OSMR: variants seen among roughly 807,000 people sequenced by gnomAD.
OSMR encodes oncostatin M receptor.
A neutral mutation model predicts 99.9 loss-of-function variants in OSMR; 81 were observed. That is an observed-to-expected ratio of 0.81 (90% CI 0.68 to 0.97). OSMR has a LOEUF of 0.97. Ranked by LOEUF, OSMR falls within the 50% of genes least tolerant of loss-of-function variation. The pLI is 0.00. For missense variants in OSMR, 1,099 were observed against 1,153.4 expected (o/e 0.95, Z 0.68); for synonymous variants, 406 against 410.4 (o/e 0.99, Z 0.13).
At chr5:38,852,024 A>T (rs1740405654) in intron 1 of OSMR, among the ~76,000 whole-genome samples, 1 of 152,228 alleles carries the variant, frequency 6.6e-6, no homozygotes, top group African/African-American at 2.4e-5. Context: ...TTTCTTTTGT[A>T]AATCACCCAG....
downstream of OSMR, among the ~76,000 whole-genome samples, chr5:38,936,587 T>G (rs114867259): frequency 3.3e-5 from 5 of 152,238 alleles, no homozygotes; most frequent in Non-Finnish European, 7.3e-5. Context: ...CCTTGTTACC[T>G]ACTAGAATGT....
intron 7 of OSMR, among the ~76,000 whole-genome samples, chr5:38,889,130 G>T (rs2112432637): frequency 6.6e-6 from 1 of 151,674 alleles, no homozygotes; most frequent in African/African-American, 2.4e-5. Context: ...TAAAACCTTT[G>T]TCTTGGTGTT....
chr5:38,862,438 C>A (rs1453012280), intron 1 of OSMR, among the ~76,000 whole-genome samples: 2 of 149,574 alleles, frequency 1.3e-5, no homozygotes, highest in East Asian at 4.1e-4. Flanking sequence ...CCACCTCCCT[C>A]CCGGACGGGT....
intron 1 of OSMR, chr5:38,944,066 A>G: frequency 2.9e-6 from 1 of 349,610 alleles, no homozygotes; most frequent in Non-Finnish European, 5.5e-6. Context: ...ATTAAAATTG[A>G]GAGAATTTCC....
intron 1 of OSMR, among the ~76,000 whole-genome samples, chr5:38,855,627 T>G (rs945102732): frequency 3.3e-5 from 5 of 152,098 alleles, no homozygotes; most frequent in Non-Finnish European, 7.4e-5. Context: ...CACTGCTCAC[T>G]GCTTCCACGG....
intron 7 of OSMR, chr5:38,886,749 A>G (rs1343747335): frequency 6.6e-6 from 1 of 152,446 alleles, no homozygotes; most frequent in Non-Finnish European, 1.5e-5. Context: ...ATCCCCTTTG[A>G]TGGATTTGCA....
chr5:38,913,522 C>T (rs1425735048), intron 9 of OSMR, among the ~76,000 whole-genome samples: 1 of 149,498 alleles, frequency 6.7e-6, no homozygotes, highest in East Asian at 2.0e-4. Context: ...TGCACTCCAG[C>T]CTGGACGACA....
chr5:38,885,429 G>A lies in OSMR; in HGVS notation c.784G>A (p.Asp262Asn). The A allele has an allele frequency of 6.2e-7, 1 of 1,614,038 alleles. No homozygotes were observed. Among genetic ancestry groups the A allele is most frequent in the Non-Finnish European group, 8.5e-7 (1 of 1,179,898 alleles). Residue 262 changes from aspartate (D) to asparagine (N), a missense_variant, in exon 6 of 18, where the codon GAC becomes AAC. Coordinates refer to ENST00000274276, the MANE Select transcript of OSMR (RefSeq NM_003999.3). ...GCACTGTACTTGGGATCCTGGGACG[G>A]ACACTGCCTTGGGGTGGTCTAAACA... ...TLHCTWDPGT[D>N]TALGWSKQPS...
chr5:38,883,244 T>C (rs1243134827), intron 4 of OSMR, among the ~76,000 whole-genome samples: 1 of 152,158 alleles, frequency 6.6e-6, no homozygotes, highest in Non-Finnish European at 1.5e-5. Context: ...GAAGGTTGGA[T>C]TTTTTAAAAA....
chr5:38,865,814 G>A (rs71621887), intron 1 of OSMR, among the ~76,000 whole-genome samples: 30,271 of 152,248 alleles, frequency 0.2, 3,453 homozygotes, highest in Admixed American at 0.27. Context: ...TGGGCAGCAT[G>A]TGTGGTGCTG....
chr5:38,860,633 A>G (rs753817448), intron 1 of OSMR, among the ~76,000 whole-genome samples: 13 of 151,958 alleles, frequency 8.6e-5, no homozygotes, highest in Admixed American at 6.5e-5. Flanking sequence ...GAATACTTTG[A>G]GAATTGGTGT....
At chr5:38,875,175 G>A (rs539774222) in intron 2 of OSMR, among the ~76,000 whole-genome samples, 2 of 152,288 alleles carry the variant, frequency 1.3e-5, no homozygotes, top group Non-Finnish European at 2.9e-5. Context: ...TGATTTTATC[G>A]ATGCAGGCTT....
chr5:38,870,741 G>A (rs1421374320), intron 2 of OSMR, among the ~76,000 whole-genome samples: 6 of 152,226 alleles, frequency 3.9e-5, no homozygotes, highest in Non-Finnish European at 8.8e-5. Flanking sequence ...TGCAGTGGCA[G>A]AAGTGAGCAG....
intron 1 of OSMR, among the ~76,000 whole-genome samples, chr5:38,862,405 T>C: frequency 7.4e-4 from 1 of 1,360 alleles, no homozygotes; most frequent in South Asian, 0.05. Context: ...ATGGGGCGGC[T>C]GGCCGGGCGG....
intron 7 of OSMR, among the ~76,000 whole-genome samples, chr5:38,887,698 T>G (rs765057259): frequency 2.0e-5 from 3 of 152,202 alleles, no homozygotes; most frequent in Non-Finnish European, 2.9e-5. Context: ...AAACTGATAA[T>G]TAATTTACCA....
chr5:38,919,488 A>C (rs1434010915), intron 11 of OSMR: 1 of 528,414 alleles, frequency 1.9e-6, no homozygotes, highest in African/African-American at 2.0e-5. Flanking sequence ...TCCAGAGATC[A>C]TCAGAACTGG....
rs528189296 is a variant in OSMR at position 38,875,558 on chromosome 5, C to G, written c.74-643C>G. ...AGACTGTGTCATACCACTAACTAGT[C>G]TAAAATTCCACTCTCTTGATTATTT... is the stretch of plus-strand genomic sequence containing the variant. On this transcript the variant is annotated intron_variant, in intron 2 of 17. Transcript: ENST00000274276. Among the ~76,000 whole-genome samples the G allele has an allele frequency of 4.6e-5, 7 of 152,320 alleles. No individual in the cohort carries two copies. The South Asian group carries it at 1.4e-3, about 32-fold the overall frequency.
intron 9 of OSMR, among the ~76,000 whole-genome samples, chr5:38,908,857 T>C (rs1267135804): frequency 6.6e-6 from 1 of 152,162 alleles, no homozygotes; most frequent in African/African-American, 2.4e-5. Context: ...CAGTGGCAAC[T>C]CAAAAAGCCA....
At chr5:38,917,455 T>C in intron 9 of OSMR, 91 bp from the exon 10 acceptor site, 1 of 1,563,108 alleles carries the variant, frequency 6.4e-7, no homozygotes, top group South Asian at 1.1e-5. Flanking sequence ...GGACAGGTAA[T>C]TGTCATGTCC....
Sources: gnomAD v4.1 joint callset for allele counts (sites outside exome capture counted in the v4.1 genomes callset) on GRCh38, gnomAD v4.1.1 for gene constraint, MANE v1.5 for transcripts, NCBI Gene and HGNC (gene_info 2026-07-23, HGNC 2026-07-21) for gene names.